The following DGKB variants were observed in gnomAD, a reference collection of about 807,000 sequenced individuals.
DGKB encodes 90 kDa diacylglycerol kinase.
Under a neutral mutation model 114.3 loss-of-function variants are expected in DGKB, and 67 were observed. The ratio of observed to expected loss-of-function variants is 0.59; its 90% CI spans 0.48 to 0.72. The LOEUF (loss-of-function observed/expected upper bound fraction) is 0.72, where lower values mean the gene tolerates loss of function less well. Ranked by LOEUF, DGKB falls within the 30% of genes least tolerant of loss-of-function variation. The pLI is 0.00. For missense variants in DGKB, 907 were observed against 975.2 expected (o/e 0.93, Z 0.93); for synonymous variants, 398 against 323.1 (o/e 1.23, Z -2.49).
intron 1 of DGKB, among the ~76,000 whole-genome samples, chr7:14,847,450 T>G (rs1274604846): frequency 6.6e-6 from 1 of 152,210 alleles, no homozygotes; most frequent in Non-Finnish European, 1.5e-5. Flanking sequence ...AGAAGTAGGA[T>G]GAAATTACAT....
chr7:14,691,318 C>CA (rs1822825760), intron 9 of DGKB, among the ~76,000 whole-genome samples: 1 of 152,106 alleles, frequency 6.6e-6, no homozygotes, highest in Non-Finnish European at 1.5e-5. Flanking sequence ...TCATAATTGA[C>CA]AATAGACAAT....
At chr7:14,459,474 G>A (rs1482730021) in intron 21 of DGKB, among the ~76,000 whole-genome samples, 1 of 152,054 alleles carries the variant, frequency 6.6e-6, no homozygotes, top group East Asian at 1.9e-4. Flanking sequence ...ATCAGTAGTT[G>A]AACTGATCAA....
At chr7:14,764,357 G>A (rs970280536) in intron 2 of DGKB, among the ~76,000 whole-genome samples, 1 of 151,876 alleles carries the variant, frequency 6.6e-6, no homozygotes, top group Non-Finnish European at 1.5e-5. Flanking sequence ...CAACATAGTA[G>A]CATTCAGTCC....
chr7:14,299,882 C>CA lies in DGKB; in HGVS notation c.2122+38632dup, dbSNP rs61150433. 8.1e-3 allele frequency among the ~76,000 whole-genome samples: 1,192 copies of CA among 147,970 alleles called. 14 individuals are homozygous for CA. The highest frequency in any genetic ancestry group is 0.026 in the African/African-American group (1,066 of 40,260). On this transcript the variant is annotated intron_variant, in intron 23 of 25. Transcript: ENST00000402815. ...TATTATTTCTCTGAAAGTTATTCAG[C>CA]AAAAAAAAACCTTTAAAGTAAAGCA...
chr7:14,573,062 A>G (rs1372763236), intron 20 of DGKB, among the ~76,000 whole-genome samples: 2 of 152,194 alleles, frequency 1.3e-5, no homozygotes, highest in African/African-American at 4.8e-5. Context: ...GGATTAATTT[A>G]CTAAAATCAT....
chr7:14,674,665 G>T (rs1819553041), intron 12 of DGKB, among the ~76,000 whole-genome samples: 1 of 152,040 alleles, frequency 6.6e-6, no homozygotes, highest in Admixed American at 6.6e-5. Context: ...TCCAATGACT[G>T]GTGTCCTTAT....
chr7:14,960,886 G>C (rs187800027), intron 1 of DGKB, among the ~76,000 whole-genome samples: 1 of 152,032 alleles, frequency 6.6e-6, no homozygotes, highest in Non-Finnish European at 1.5e-5. Context: ...CCAAAGATAA[G>C]CCATTGGTAA....
chr7:14,612,666 T>G (rs1805776046), intron 16 of DGKB, among the ~76,000 whole-genome samples: 1 of 151,988 alleles, frequency 6.6e-6, no homozygotes, highest in Non-Finnish European at 1.5e-5. Context: ...TTGGTTGAGA[T>G]TAGGAGAGTT....
chr7:14,873,722 G>C (rs1477710013), intron 1 of DGKB, among the ~76,000 whole-genome samples: 3 of 151,904 alleles, frequency 2.0e-5, no homozygotes, highest in Admixed American at 2.0e-4. Flanking sequence ...AGTTAACTTT[G>C]AGTCCACTGT....
At chr7:14,465,765 G>A (rs547991607) in intron 21 of DGKB, among the ~76,000 whole-genome samples, 194 of 152,224 alleles carry the variant, frequency 1.3e-3, no homozygotes, top group Non-Finnish European at 2.1e-3. Flanking sequence ...GGAAAGAAGA[G>A]GTAAATTGAG....
intron 1 of DGKB, among the ~76,000 whole-genome samples, chr7:14,942,296 G>A (rs1392790225): frequency 1.3e-5 from 2 of 151,772 alleles, no homozygotes; most frequent in Non-Finnish European, 2.9e-5. Context: ...GGGCGAGAAA[G>A]GCATGCATTA....
intron 4 of DGKB, among the ~76,000 whole-genome samples, chr7:14,742,471 A>G (rs1305241045): frequency 6.6e-6 from 1 of 152,216 alleles, no homozygotes; most frequent in Non-Finnish European, 1.5e-5. Flanking sequence ...AGTCTTAAAG[A>G]TTATTGGTAA....
At chr7:14,223,921 C>T (rs1790384502) in intron 23 of DGKB, among the ~76,000 whole-genome samples, 1 of 151,496 alleles carries the variant, frequency 6.6e-6, no homozygotes, top group South Asian at 2.1e-4. Flanking sequence ...CTTGCTGTTT[C>T]TAAATTTTTT....
chr7:14,366,498 G>C (rs541905883), intron 21 of DGKB, among the ~76,000 whole-genome samples: 1 of 152,210 alleles, frequency 6.6e-6, no homozygotes, highest in African/African-American at 2.4e-5. Flanking sequence ...TTGACCTATG[G>C]GAAGCTAACA....
At chr7:14,736,274 A>C (rs1017645120) in intron 4 of DGKB, 80 bp from the exon 5 acceptor site, 1 of 919,548 alleles carries the variant, frequency 1.1e-6, no homozygotes, top group African/African-American at 1.7e-5. Flanking sequence ...AATCATTAGA[A>C]GTAGAAATGA....
intron 8 of DGKB, 76 bp downstream of exon 8, chr7:14,697,997 AAAAGAAAGAAAGAAAGAAAGAG>A (rs1563944762): frequency 5.9e-6 from 4 of 679,778 alleles, no homozygotes; most frequent in African/African-American, 5.8e-5. Flanking sequence ...GAGAAAGAAA[AAAAGAAAGAAAGAAAGAAAGAG>A]AAAGAAAGAA....
chr7:14,308,258 G>A (rs1804804221), intron 23 of DGKB, among the ~76,000 whole-genome samples: 1 of 151,918 alleles, frequency 6.6e-6, no homozygotes, highest in South Asian at 2.1e-4. Context: ...GCTATGCCAT[G>A]AGTAATTTAA....
chr7:14,304,083 A>ACTCTCT (rs1213674860), intron 23 of DGKB, among the ~76,000 whole-genome samples: 83 of 39,206 alleles, frequency 2.1e-3, no homozygotes, highest in Non-Finnish European at 4.4e-3. Context: ...ACACACACAC[A>ACTCTCT]CACACTCTCT....
At chr7:14,905,657 C>A (rs1293411389), upstream of DGKB, among the ~76,000 whole-genome samples, 1 of 152,094 alleles carries the variant, frequency 6.6e-6, no homozygotes, top group Non-Finnish European at 1.5e-5. Flanking sequence ...AACAAGTATT[C>A]CCAAACTAAA....
Sources: allele counts gnomAD v4.1 joint callset (sites outside exome capture counted in the v4.1 genomes callset), GRCh38; gene constraint gnomAD v4.1.1; transcripts MANE v1.5; gene names NCBI Gene and HGNC (gene_info 2026-07-23, HGNC 2026-07-21).